Variants in FNDC1 observed in about 807,000 individuals in gnomAD.
The protein encoded by FNDC1 is fibronectin type III domain-containing protein 1.
FNDC1 carries 96 observed loss-of-function variants against 168.0 expected under a neutral mutation model. The ratio of observed to expected loss-of-function variants is 0.57; its 90% confidence interval spans 0.48 to 0.68. The LOEUF (loss-of-function observed/expected upper bound fraction) is 0.68. FNDC1 is among the 30% of genes least tolerant of loss of function. The probability of loss-of-function intolerance (pLI) is 0.00; values close to 1 mark genes in which losing one functional copy is unlikely to be tolerated. For missense variants in FNDC1, 2,587 were observed against 2,482.1 expected (o/e 1.04, Z -0.90); for synonymous variants, 1,099 against 1,025.9 (o/e 1.07, Z -1.36).
At chr6:159,230,292 G>A (rs117573570) in intron 10 of FNDC1, among the ~76,000 whole-genome samples, 1,802 of 152,252 alleles carry the variant, frequency 0.012, 15 homozygotes, top group Non-Finnish European at 0.021. Flanking sequence ...TGGTAACAGG[G>A]AAAGAACATT....
At chr6:159,271,281 G>A (rs773441577) in intron 22 of FNDC1, 46 bp from the exon 23 acceptor site, 2 of 1,383,150 alleles carry the variant, frequency 1.4e-6, no homozygotes, top group Non-Finnish European at 1.0e-6. Flanking sequence ...CTACCTGTTG[G>A]TTCAGGGGCC....
intron 9 of FNDC1, among the ~76,000 whole-genome samples, 169 bp from the exon 10 acceptor site, chr6:159,229,646 A>G (rs1783039738): frequency 6.6e-6 from 1 of 152,154 alleles, no homozygotes. Flanking sequence ...AATGAATGTG[A>G]GTTCACCTTC....
chr6:159,244,573 C>G (rs1783499976), intron 14 of FNDC1, among the ~76,000 whole-genome samples: 1 of 152,198 alleles, frequency 6.6e-6, no homozygotes. Context: ...TCATGTCATT[C>G]AAACTAGGCT....
intron 20 of FNDC1, 120 bp from the exon 21 acceptor site, chr6:159,265,963 CA>C (rs1303987797): frequency 1.1e-4 from 116 of 1,030,724 alleles, no homozygotes; most frequent in Non-Finnish European, 2.1e-5. Context: ...AACAAACAAA[CA>C]AACAAAAAGC....
intron 6 of FNDC1, among the ~76,000 whole-genome samples, chr6:159,222,846 G>A (rs1197364190): frequency 6.6e-6 from 1 of 152,128 alleles, no homozygotes; most frequent in African/African-American, 2.4e-5. Context: ...CCATGAAAAT[G>A]TTATTATTTT....
intron 14 of FNDC1, among the ~76,000 whole-genome samples, chr6:159,241,981 A>G (rs1783431572): frequency 6.6e-6 from 1 of 152,118 alleles, no homozygotes; most frequent in African/African-American, 2.4e-5. Flanking sequence ...TGAAAGTGGT[A>G]TTTTTTTGTG....
intron 7 of FNDC1, among the ~76,000 whole-genome samples, 176 bp from the exon 8 acceptor site, chr6:159,225,359 A>T (rs1457851780): frequency 6.6e-6 from 1 of 152,094 alleles, no homozygotes; most frequent in African/African-American, 2.4e-5. Context: ...CCCACTTTAG[A>T]CAACTTTGCT....
intron 4 of FNDC1, among the ~76,000 whole-genome samples, chr6:159,201,236 G>T (rs1055382994): frequency 6.6e-6 from 1 of 152,214 alleles, no homozygotes; most frequent in African/African-American, 2.4e-5. Flanking sequence ...AAGCACTATG[G>T]TGAGGAGCTG....
intron 12 of FNDC1, among the ~76,000 whole-genome samples, chr6:159,237,384 A>G (rs2114998174): frequency 6.6e-6 from 1 of 152,272 alleles, no homozygotes; most frequent in South Asian, 2.1e-4. Flanking sequence ...TGATTTGAGT[A>G]TCTGACAAGT....
intron 4 of FNDC1, among the ~76,000 whole-genome samples, chr6:159,204,915 G>T (rs1184717423): frequency 6.6e-6 from 1 of 152,166 alleles, no homozygotes; most frequent in Non-Finnish European, 1.5e-5. Context: ...CTTCTAGTAG[G>T]TGACTTGCTT....
chr6:159,253,972 T>C (rs1347724217), intron 17 of FNDC1, among the ~76,000 whole-genome samples: 1 of 152,220 alleles, frequency 6.6e-6, no homozygotes, highest in Admixed American at 6.5e-5. Context: ...TTGACTGCAC[T>C]GTGCCAGACG....
intron 17 of FNDC1, among the ~76,000 whole-genome samples, chr6:159,254,700 T>G (rs137870471): frequency 0.03 from 2,847 of 94,090 alleles, 98 homozygotes; most frequent in African/African-American, 0.12. Context: ...AGAGCAAGAC[T>G]TCGTCTCAAA....
At position 159,232,025 on chromosome 6, in the gene FNDC1, C is replaced by T; in HGVS notation, c.1513C>T (p.Leu505Phe). 2 of 1,613,930 alleles carry T rather than the reference C, an allele frequency of 1.2e-6. No individual in the cohort carries two copies. Among genetic ancestry groups the T allele is most frequent in the Non-Finnish European group, 1.7e-6 (2 of 1,179,870 alleles). Residue 505 changes from leucine to phenylalanine, a missense_variant, in exon 11 of 23, where the codon CTT becomes TTT. Leu to Phe is a conservative substitution (Grantham distance 22). Coordinates refer to ENST00000297267, the MANE Select transcript of FNDC1 (RefSeq NM_032532.3). The surrounding 1 kb of genome is among the most constrained non-coding windows in gnomAD (Gnocchi z 4.9). ...ASPQGRNAKD[L>F]LLDLKNKILA... is the part of the protein sequence containing the mutation. ...TCCCCAAGGGAGAAATGCCAAGGAC[C>T]TTCTTCTTGACTTGAAGAACAAAAT...
chr6:159,173,447 C>T (rs992149434), intron 1 of FNDC1, among the ~76,000 whole-genome samples: 16 of 152,166 alleles, frequency 1.1e-4, no homozygotes, highest in African/African-American at 3.4e-4. Flanking sequence ...CACTGGCACC[C>T]GCCAATGGCA....
chr6:159,211,838 A>C (rs1562638875), intron 4 of FNDC1, among the ~76,000 whole-genome samples: 1 of 152,252 alleles, frequency 6.6e-6, no homozygotes, highest in Non-Finnish European at 1.5e-5. Context: ...TAAGCCACAT[A>C]GCCTGTAATA....
At position 159,261,948 on chromosome 6, in the gene FNDC1, A is replaced by T. The variant is rs73023786; in HGVS notation, c.5254+679A>T. On this transcript the variant is annotated intron_variant, in intron 19 of 22. Transcript: ENST00000297267. The stretch of plus-strand genomic sequence containing the variant: ...GAGGTCCTGTTTCTACAAAAAAAAA[A>T]TTTTTTTTAATTAGCCAGGCCTAGT... Among the ~76,000 whole-genome samples the T allele has an allele frequency of 9.3e-3, 1,410 of 151,262 alleles. 14 individuals carry two copies. The highest frequency in any genetic ancestry group is 0.024 in the African/African-American group (975 of 41,076).
At position 159,232,685 on chromosome 6, in the gene FNDC1, G is replaced by T. The variant is rs1783124182; in HGVS notation, c.2173G>T (p.Gly725Ter). The T allele has an allele frequency of 6.2e-7, 1 of 1,613,870 alleles. No homozygotes were observed. Among genetic ancestry groups the T allele is most frequent in the South Asian group, 1.1e-5 (1 of 91,066 alleles). Residue 725 changes from glycine to a stop codon, truncating the protein, a stop_gained, in exon 11 of 23, where the codon GGA becomes TGA. Transcript: ENST00000297267. LOFTEE classifies it high-confidence loss of function. This position sits in a 1 kb window ranked among gnomAD's most constrained non-coding sequence, Gnocchi z 4.9. ...PPSRLSPPHGGSSRLLPTQPH... is the reference protein window; with the variant it reads ...PPSRLSPPHG ...CTCAAGACTTTCTCCACCCCATGGG[G>T]GATCATCTCGGCTGCTGCCCACCCA...
At chr6:159,185,586 T>C (rs1488638775) in intron 1 of FNDC1, among the ~76,000 whole-genome samples, 1 of 152,216 alleles carries the variant, frequency 6.6e-6, no homozygotes, top group Non-Finnish European at 1.5e-5. Context: ...TTTGCTGTCA[T>C]CATTCTCAAG....
chr6:159,225,664 A>C lies in FNDC1; in HGVS notation c.1014A>C (p.Ser338=), dbSNP rs374517848. Residue 338 remains serine (S), a synonymous_variant, in exon 8 of 23, where the codon TCA becomes TCC. Transcript: ENST00000297267. ...TGTATGAATTTGCAGTCCGTATTTC[A>C]CAGGGTGAAAGAGATGGCAAATGGA... ...DTVYEFAVRI[S]QGERDGKWST... 1 of 1,613,868 alleles carries C rather than the reference A, an allele frequency of 6.2e-7. No individual in the cohort carries two copies. The highest frequency in any genetic ancestry group is 1.3e-5 in the African/African-American group (1 of 74,942).
Sources: allele counts gnomAD v4.1 joint callset (sites outside exome capture counted in the v4.1 genomes callset), GRCh38; gene constraint gnomAD v4.1.1; non-coding constraint Gnocchi (gnomAD v3.1); transcripts MANE v1.5; gene names NCBI Gene and HGNC (gene_info 2026-07-23, HGNC 2026-07-21).